CPA6: variants seen among roughly 807,000 people sequenced by gnomAD.
CPA6 encodes the protein carboxypeptidase A6, also known as carboxypeptidase B.
Under a neutral mutation model 63.3 loss-of-function variants are expected in CPA6, and 58 were observed. The ratio of observed to expected loss-of-function variants is 0.92; its 90% CI spans 0.74 to 1.14. The LOEUF (loss-of-function observed/expected upper bound fraction) is 1.14. CPA6 is among the 50% of genes most tolerant of loss of function. CPA6 has a pLI of 0.00. For synonymous variants in CPA6, 185 were observed against 179.0 expected (o/e 1.03, Z -0.27); for missense variants, 565 against 526.6 (o/e 1.07, Z -0.71).
intron 2 of CPA6, among the ~76,000 whole-genome samples, chr8:67,592,636 A>G (rs1423201525): frequency 1.5e-4 from 23 of 151,902 alleles, no homozygotes; most frequent in Non-Finnish European, 2.2e-4. Context: ...GTGTCGAGGA[A>G]TTTATCCATT....
intron 9 of CPA6, among the ~76,000 whole-genome samples, 156 bp from the exon 10 acceptor site, chr8:67,428,287 A>G (rs933559134): frequency 6.6e-6 from 1 of 152,180 alleles, no homozygotes; most frequent in African/African-American, 2.4e-5. Context: ...GTCACACGCT[A>G]CATTTTGCAA....
chr8:67,480,853 C>T (rs1223796213), intron 8 of CPA6, among the ~76,000 whole-genome samples: 9 of 152,060 alleles, frequency 5.9e-5, no homozygotes, highest in African/African-American at 2.2e-4. Flanking sequence ...TTATTATAGC[C>T]GTCTTAGTAG....
chr8:67,628,206 C>T (rs1400553287), intron 1 of CPA6, among the ~76,000 whole-genome samples: 1 of 151,572 alleles, frequency 6.6e-6, no homozygotes, highest in African/African-American at 2.4e-5. Flanking sequence ...GAGCGAGACT[C>T]CATCTTAAAA....
chr8:67,667,080 C>T (rs1816247499), intron 1 of CPA6, among the ~76,000 whole-genome samples: 1 of 150,978 alleles, frequency 6.6e-6, no homozygotes, highest in Admixed American at 6.6e-5. Context: ...CTTTAATTAC[C>T]TGGAACCAAA....
intron 1 of CPA6, among the ~76,000 whole-genome samples, chr8:67,716,400 G>T (rs2553655): frequency 0.54 from 81,675 of 151,968 alleles, 25,002 homozygotes; most frequent in East Asian, 0.68. Context: ...GTCTGGAAAG[G>T]CAGGGAAGGG....
intron 1 of CPA6, among the ~76,000 whole-genome samples, chr8:67,671,452 G>A (rs1007282518): frequency 5.9e-5 from 9 of 152,202 alleles, no homozygotes; most frequent in Non-Finnish European, 1.2e-4. Context: ...GTTCATTGGT[G>A]ATGCTAATGG....
At chr8:67,641,966 C>T (rs1272859918) in intron 1 of CPA6, among the ~76,000 whole-genome samples, 1 of 152,010 alleles carries the variant, frequency 6.6e-6, no homozygotes, top group African/African-American at 2.4e-5. Context: ...ATGTAAGGTA[C>T]CTAGCAATTC....
At chr8:67,563,007 G>A (rs1813251335) in intron 2 of CPA6, among the ~76,000 whole-genome samples, 1 of 152,008 alleles carries the variant, frequency 6.6e-6, no homozygotes, top group Admixed American at 6.6e-5. Context: ...AGGATCGTAA[G>A]CTCTTCCAGG....
At position 67,613,899 on chromosome 8, in the gene CPA6, G is replaced by A. The variant is rs554179162; in HGVS notation, c.192+10277C>T. On this transcript the variant is annotated intron_variant, in intron 2 of 10. Coordinates refer to ENST00000297770, the MANE Select transcript of CPA6 (RefSeq NM_020361.5). Reference sequence around the variant, plus strand: ...TGATGCGGCAGAGAGAGAGAGAGACGAGGAGGAACATCTGAACTCTGAGAG... The same window carrying A: ...TGATGCGGCAGAGAGAGAGAGAGACAAGGAGGAACATCTGAACTCTGAGAG... Among the ~76,000 whole-genome samples, 5 of 152,118 alleles carry A rather than the reference G, an allele frequency of 3.3e-5. No individual in the cohort carries two copies. The South Asian group carries it at 8.3e-4, about 25-fold the overall frequency.
At chr8:67,554,576 G>A (rs1053451211) in intron 2 of CPA6, among the ~76,000 whole-genome samples, 1 of 152,190 alleles carries the variant, frequency 6.6e-6, no homozygotes, top group African/African-American at 2.4e-5. Context: ...GAAGTCCCAC[G>A]ATAGTCTGTC....
intron 2 of CPA6, among the ~76,000 whole-genome samples, chr8:67,588,489 C>T (rs927038156): frequency 2.0e-5 from 3 of 151,928 alleles, no homozygotes; most frequent in African/African-American, 4.8e-5. Context: ...AGGAAGGAGG[C>T]AAACAGAATA....
chr8:67,691,265 A>T (rs536374160), intron 1 of CPA6, among the ~76,000 whole-genome samples: 17 of 152,216 alleles, frequency 1.1e-4, no homozygotes, highest in Non-Finnish European at 2.1e-4. Flanking sequence ...TACACCTGTG[A>T]TCGAGGTTGG....
intron 1 of CPA6, among the ~76,000 whole-genome samples, chr8:67,628,105 TA>T (rs1243446940): frequency 4.0e-5 from 6 of 151,750 alleles, no homozygotes; most frequent in African/African-American, 1.5e-4. Flanking sequence ...CCCAGCTACT[TA>T]GGAGGCTGAG....
intron 1 of CPA6, among the ~76,000 whole-genome samples, chr8:67,661,143 G>A (rs1403355005): frequency 6.6e-6 from 1 of 152,216 alleles, no homozygotes; most frequent in Non-Finnish European, 1.5e-5. Flanking sequence ...AACACAGAGT[G>A]CCAGGTGAAG....
chr8:67,611,249 A>AT (rs1356537425), intron 2 of CPA6, among the ~76,000 whole-genome samples: 1 of 151,976 alleles, frequency 6.6e-6, no homozygotes, highest in Non-Finnish European at 1.5e-5. Context: ...TGCCCTGCTA[A>AT]TTTTTTGTAT....
rs762395117 is a variant in CPA6, at chr8:67,552,774, CAAAAAAAAAAA to C, written c.193-34738_193-34728del. On this transcript the variant is annotated intron_variant, in intron 2 of 10. Transcript: ENST00000297770. ...CCTGGGTGACAGAGCAAGACTGTCT[CAAAAAAAAAAA>C]AAAAAAAAAAAAAAAAGAAAAGAAA... Among the ~76,000 whole-genome samples the C allele has an allele frequency of 7.2e-4, 15 of 20,932 alleles. No individual in the cohort carries two copies. In the East Asian group the frequency reaches 0.014, roughly 19 times the overall value. The allele number at this position is 20,932 out of a possible 152,430, so 13.7% of individuals were successfully genotyped here. A position where few individuals can be genotyped will look rare whatever the true frequency, so the allele number is the denominator to read the frequency against.
At chr8:67,447,067 CACATATATACACAT>C (rs1810439702) in intron 8 of CPA6, among the ~76,000 whole-genome samples, 2 of 144,162 alleles carry the variant, frequency 1.4e-5, no homozygotes, top group Admixed American at 7.0e-5. Context: ...TATATATACA[CACATATATACACAT>C]ATATATACAC....
At chr8:67,597,030 G>GGTTA (rs1814357411) in intron 2 of CPA6, among the ~76,000 whole-genome samples, 2 of 152,200 alleles carry the variant, frequency 1.3e-5, no homozygotes, top group South Asian at 4.2e-4. Context: ...GGTTTATGTG[G>GGTTA]TGTCTGATTT....
chr8:67,651,899 C>A (rs1392419242), intron 1 of CPA6, among the ~76,000 whole-genome samples: 1 of 152,112 alleles, frequency 6.6e-6, no homozygotes, highest in East Asian at 1.9e-4. Flanking sequence ...CCCCTGCCCC[C>A]ACCCCGCAAC....
Sources: allele counts gnomAD v4.1 joint callset (sites outside exome capture counted in the v4.1 genomes callset), GRCh38; gene constraint gnomAD v4.1.1; transcripts MANE v1.5; gene names NCBI Gene and HGNC (gene_info 2026-07-23, HGNC 2026-07-21).